Variants in CCDC192 observed in about 807,000 individuals in gnomAD.
The protein encoded by CCDC192 is coiled-coil domain-containing protein 192.
At chr5:127,867,580 C>A (rs1751666850) in intron 5 of CCDC192, among the ~76,000 whole-genome samples, 1 of 152,166 alleles carries the variant, frequency 6.6e-6, no homozygotes, top group Non-Finnish European at 1.5e-5. Flanking sequence ...CACTTTCTGT[C>A]CCCAAGGGGA....
intron 3 of CCDC192, 74 bp downstream of exon 3, chr5:127,754,449 G>A (rs1437178423): frequency 2.8e-6 from 1 of 351,962 alleles, no homozygotes; most frequent in Non-Finnish European, 5.1e-6. Context: ...GTAAACACAC[G>A]TTTTAACCTC....
intron 5 of CCDC192, among the ~76,000 whole-genome samples, chr5:127,825,920 A>G (rs1020087101): frequency 6.6e-6 from 1 of 152,126 alleles, no homozygotes; most frequent in Non-Finnish European, 1.5e-5. Flanking sequence ...TTGGTTTTTA[A>G]TTGTTGCATT....
intron 2 of CCDC192, among the ~76,000 whole-genome samples, chr5:127,723,251 T>C (rs186774260): frequency 6.6e-6 from 1 of 152,352 alleles, no homozygotes; most frequent in Non-Finnish European, 1.5e-5. Context: ...GATTTCTTTT[T>C]CAGGTTGTTT....
intron 6 of CCDC192, among the ~76,000 whole-genome samples, chr5:127,920,836 G>C (rs1465722823): frequency 6.6e-6 from 1 of 151,854 alleles, no homozygotes; most frequent in Non-Finnish European, 1.5e-5. Flanking sequence ...TGAGGTGGGA[G>C]GATCACTTGA....
At chr5:127,834,288 C>A (rs913346507) in intron 5 of CCDC192, among the ~76,000 whole-genome samples, 1 of 152,190 alleles carries the variant, frequency 6.6e-6, no homozygotes, top group Non-Finnish European at 1.5e-5. Context: ...TTCCCTTTGT[C>A]TCATCACTTG....
At chr5:127,864,732 G>A (rs923412108) in intron 5 of CCDC192, among the ~76,000 whole-genome samples, 3 of 152,192 alleles carry the variant, frequency 2.0e-5, no homozygotes, top group African/African-American at 4.8e-5. Context: ...CTATTTACAA[G>A]TATCAAGTGC....
At chr5:127,731,497 CAGAACT>C (rs1752636538) in intron 2 of CCDC192, among the ~76,000 whole-genome samples, 1 of 152,046 alleles carries the variant, frequency 6.6e-6, no homozygotes, top group South Asian at 2.1e-4. Flanking sequence ...ACATTCTTCA[CAGAACT>C]AGAAAAAACT....
In CCDC192 at chr5:127,741,521, G is replaced by A. The variant is rs550197010; in HGVS notation, c.115-12747G>A. ...ATGTGCAGGTGTGCTTACTGTATGT[G>A]TGTGCAAGCTGTGCACATACTTTTT... On this transcript the variant is annotated intron_variant, in intron 2 of 6. Coordinates refer to ENST00000514853, the MANE Select transcript of CCDC192 (RefSeq NM_001317938.2). 2.4e-4 allele frequency among the ~76,000 whole-genome samples: 37 copies of A among 152,294 alleles called. No individual in the cohort carries two copies. In the South Asian group the frequency reaches 6.0e-3, roughly 25 times the overall value.
At chr5:127,783,804 T>A (rs1006478577) in intron 3 of CCDC192, among the ~76,000 whole-genome samples, 1 of 152,160 alleles carries the variant, frequency 6.6e-6, no homozygotes, top group Non-Finnish European at 1.5e-5. Flanking sequence ...TTTTACAAAT[T>A]TGGGAGCTCC....
chr5:127,899,559 A>AT (rs1306128199), intron 6 of CCDC192, among the ~76,000 whole-genome samples: 1 of 82,034 alleles, frequency 1.2e-5, no homozygotes, highest in African/African-American at 5.6e-5. Context: ...GTCACACTGC[A>AT]CCAAAAAAAA....
At chr5:127,752,007 T>C (rs924230324) in intron 2 of CCDC192, among the ~76,000 whole-genome samples, 6 of 152,108 alleles carry the variant, frequency 3.9e-5, no homozygotes, top group Admixed American at 1.3e-4. Context: ...ATTCTAGTTA[T>C]ACATTCTTCT....
intron 3 of CCDC192, among the ~76,000 whole-genome samples, chr5:127,788,623 G>A (rs562058034): frequency 1.3e-5 from 2 of 151,992 alleles, no homozygotes; most frequent in South Asian, 4.2e-4. Context: ...CTTCTTTTGT[G>A]TTTGATTGAT....
chr5:127,719,516 TA>T, intron 2 of CCDC192, among the ~76,000 whole-genome samples: 1 of 119,270 alleles, frequency 8.4e-6, no homozygotes, highest in Non-Finnish European at 1.6e-5. Context: ...CATATATATA[TA>T]TATATATACA....
intron 2 of CCDC192, among the ~76,000 whole-genome samples, chr5:127,751,290 G>A (rs557394085): frequency 3.7e-4 from 57 of 152,092 alleles, no homozygotes; most frequent in African/African-American, 1.3e-3. Context: ...TCCTTCAAGA[G>A]CTCTTTTAGG....
At chr5:127,719,546 T>TACACACACACACACACAC (rs1561445022) in intron 2 of CCDC192, among the ~76,000 whole-genome samples, 1 of 33,184 alleles carries the variant, frequency 3.0e-5, no homozygotes, top group Non-Finnish European at 6.7e-5. Flanking sequence ...TATATATATA[T>TACACACACACACACACAC]ATATATATAT....
chr5:127,872,593 C>T (rs1411263602), intron 5 of CCDC192, among the ~76,000 whole-genome samples: 1 of 152,140 alleles, frequency 6.6e-6, no homozygotes, highest in Non-Finnish European at 1.5e-5. Flanking sequence ...CCATCCAGTC[C>T]CTGCTTGATC....
chr5:127,738,246 T>C (rs1413024007), intron 2 of CCDC192, among the ~76,000 whole-genome samples: 5 of 148,712 alleles, frequency 3.4e-5, no homozygotes, highest in Admixed American at 1.4e-4. Flanking sequence ...TTTAAGAATG[T>C]TGAATATTGG....
intron 2 of CCDC192, among the ~76,000 whole-genome samples, chr5:127,747,610 G>A (rs1215672815): frequency 2.6e-5 from 4 of 151,948 alleles, no homozygotes; most frequent in African/African-American, 9.7e-5. Flanking sequence ...ATAGTCCTTT[G>A]GGTATATACC....
Position 127,888,261 on chromosome 5 carries a change from C to CA in CCDC192, c.535+12605dup, listed in dbSNP as rs369627825. ...TGAAACCCCACCTCTACTAAAAATA[C>CA]AAAAATTAGCCAGTCATGGTGGTTG... is the stretch of plus-strand genomic sequence containing the variant. On this transcript the variant is annotated intron_variant, in intron 6 of 6. Transcript: ENST00000514853. Among the ~76,000 whole-genome samples, 642 of 151,750 alleles carry CA rather than the reference C, an allele frequency of 4.2e-3. 6 individuals are homozygous for CA. Among genetic ancestry groups the CA allele is most frequent in the African/African-American group, 0.015 (614 of 41,406 alleles).
Sources: allele counts gnomAD v4.1 joint callset (sites outside exome capture counted in the v4.1 genomes callset), GRCh38; gene constraint gnomAD v4.1.1; transcripts MANE v1.5; gene names NCBI Gene and HGNC (gene_info 2026-07-23, HGNC 2026-07-21).